The following ZNF571 variants were observed in gnomAD, a reference collection of about 807,000 sequenced individuals.
ZNF571 encodes zinc finger protein 571.
In ZNF571, 4 loss-of-function variants were observed where a neutral mutation model predicts 7.7. The observed-to-expected ratio is 0.52, with a 90% CI of 0.25 to 1.18. The LOEUF is 1.18. Ranked by LOEUF, ZNF571 falls within the 50% of genes most tolerant of loss-of-function variation. The pLI is 0.14. For synonymous variants in ZNF571, 251 were observed against 232.4 expected (o/e 1.08, Z -0.73); for missense variants, 704 against 726.9 (o/e 0.97, Z 0.36).
rs1600452748 is a variant in ZNF571, at chr19:37,564,843, G to A, written c.1585C>T (p.Pro529Ser). ...TTCCCACACTGTTTACATTCATAAGGTTTTTCACCTCTGTGAATTCTCTGA... is the reference window on the plus strand; with the variant it reads ...TTCCCACACTGTTTACATTCATAAGATTTTTCACCTCTGTGAATTCTCTGA... ...EHQRIHRGEK[P>S]YECKQCGKAF... Residue 529 changes from proline to serine, a missense_variant, in exon 4 of 4, where the codon CCT (proline) becomes TCT (serine). By Grantham distance (74) the Pro-to-Ser change is moderately conservative. Coordinates refer to ENST00000451802, the MANE Select transcript of ZNF571 (RefSeq NM_016536.5). The A allele has an allele frequency of 1.2e-6, 2 of 1,613,962 alleles. No homozygotes were observed.
chr19:37,565,208 A>T lies in ZNF571; in HGVS notation c.1220T>A (p.Ile407Asn), dbSNP rs1290385706. The T allele has an allele frequency of 3.7e-6, 6 of 1,612,822 alleles. No individual in the cohort carries two copies. In the Admixed American group the frequency reaches 8.4e-5, roughly 22 times the overall value. ...TCCGGTATGAATTCTTTGATGTTGA[A>T]TAAGATTAGAATTAGAAATAAAGGC... ...GKAFISNSNL[I>N]QHQRIHTGEK... Residue 407 changes from isoleucine to asparagine, a missense_variant, in exon 4 of 4, where the codon ATT becomes AAT. Coordinates refer to ENST00000451802, the MANE Select transcript of ZNF571 (RefSeq NM_016536.5).
At chr19:37,588,473 CAT>C (rs1307774831) in intron 1 of ZNF571, among the ~76,000 whole-genome samples, 2 of 152,144 alleles carry the variant, frequency 1.3e-5, no homozygotes, top group East Asian at 1.9e-4. Flanking sequence ...CCAAATACCA[CAT>C]GTTGTCCTTT....
intron 3 of ZNF571, among the ~76,000 whole-genome samples, chr19:37,573,124 C>CTCTTCCAACTCTTTTTTTTT (rs2043123367): frequency 6.9e-6 from 1 of 145,192 alleles, no homozygotes; most frequent in Non-Finnish European, 1.6e-5. Flanking sequence ...TGCCACCAAC[C>CTCTTCCAACTCTTTTTTTTT]TCTTCCAACT....
chr19:37,565,301 G>T lies in ZNF571; in HGVS notation c.1127C>A (p.Ser376Ter), dbSNP rs763590603. 1.2e-6 allele frequency: 2 copies of T among 1,610,394 alleles called. No homozygotes were observed. Among genetic ancestry groups the T allele is most frequent in the South Asian group, 2.2e-5 (2 of 90,430 alleles). ...KECGKTFFRG[S>*]QLTYHLRVHS... ...AACTCTCAGGTGGTAAGTAAGTTGT[G>T]AGCCACGAAAAAAGGTCTTCCCGCA... The change falls in exon 4 of 4, where the codon TCA becomes TAA. Residue 376 changes from serine (S) to a stop codon, truncating the protein, a stop_gained. Coordinates refer to ENST00000451802, the MANE Select transcript of ZNF571 (RefSeq NM_016536.5). LOFTEE classifies it low-confidence loss of function (END_TRUNC).
intron 3 of ZNF571, among the ~76,000 whole-genome samples, chr19:37,574,887 G>A (rs372533546): frequency 6.6e-6 from 1 of 152,184 alleles, no homozygotes; most frequent in African/African-American, 2.4e-5. Flanking sequence ...CCACAGCCAT[G>A]AGTCGGCCTT....
chr19:37,571,762 T>C (rs1241639385), intron 3 of ZNF571, among the ~76,000 whole-genome samples: 1 of 152,198 alleles, frequency 6.6e-6, no homozygotes, highest in Non-Finnish European at 1.5e-5. Context: ...CAGACATTAC[T>C]TCCTTTAACA....
chr19:37,589,864 CAAA>C (rs60136941), intron 1 of ZNF571, among the ~76,000 whole-genome samples: 4 of 29,590 alleles, frequency 1.4e-4, no homozygotes, highest in South Asian at 2.6e-3. Context: ...GACTCCATCT[CAAA>C]AAAAAAAAAA....
intron 3 of ZNF571, among the ~76,000 whole-genome samples, chr19:37,581,037 G>A (rs2043437734): frequency 6.6e-6 from 1 of 152,026 alleles, no homozygotes; most frequent in East Asian, 1.9e-4. Context: ...AATAATTCTA[G>A]CATTATTTAC....
rs1239198219 is a variant in ZNF571 at position 37,565,221 on chromosome 19, TA to T, written c.1206del (p.Asn403IlefsTer147). The T allele has an allele frequency of 1.2e-6, 2 of 1,613,256 alleles. No individual in the cohort carries two copies. The highest frequency in any genetic ancestry group is 1.7e-6 in the Non-Finnish European group (2 of 1,179,740). ...CTTTGATGTTGAATAAGATTAGAAT[TA>T]GAAATAAAGGCTTTCCCACATTCTT... is the stretch of plus-strand genomic sequence containing the variant. Reference protein sequence around the residue: ...KCKECGKAFISNSNLIQHQRI... With the variant: ...KCKECGKAFIXNSNLIQHQRI... On this transcript the variant is annotated frameshift_variant, in exon 4 of 4. Transcript: ENST00000451802. LOFTEE classifies it low-confidence loss of function (END_TRUNC).
Position 37,565,470 on chromosome 19 carries a change from A to G in ZNF571, c.958T>C (p.Ser320Pro), listed in dbSNP as rs1165059301. Residue 320 changes from serine to proline, a missense_variant, in exon 4 of 4, where the codon TCA (serine) becomes CCA (proline). Physicochemically the swap from Ser to Pro is moderately conservative, Grantham distance 74. Transcript: ENST00000451802. Reference sequence around the variant, plus strand: ...ACTCTCTGATGGTATGTAAGGTGTGAACCAAGAATAAAGGCCTTTCCACAT... The same window carrying G: ...ACTCTCTGATGGTATGTAAGGTGTGGACCAAGAATAAAGGCCTTTCCACAT... ...KECGKAFILG[S>P]HLTYHQRVHT... is the part of the protein sequence containing the mutation. The G allele has an allele frequency of 6.8e-6, 11 of 1,611,178 alleles. No homozygotes were observed. The highest frequency in any genetic ancestry group is 9.3e-6 in the Non-Finnish European group (11 of 1,179,026).
At chr19:37,578,358 G>A (rs754864007) in intron 3 of ZNF571, among the ~76,000 whole-genome samples, 5 of 152,270 alleles carry the variant, frequency 3.3e-5, no homozygotes, top group East Asian at 1.9e-4. Flanking sequence ...GTGAAACGGT[G>A]AGAGAGTGAG....
At chr19:37,591,095 C>T (rs1157989309) in intron 1 of ZNF571, among the ~76,000 whole-genome samples, 5 of 152,150 alleles carry the variant, frequency 3.3e-5, no homozygotes, top group African/African-American at 1.2e-4. Flanking sequence ...ACTTTAAAAA[C>T]AAGTTATTAG....
In ZNF571 at chr19:37,564,999, T is replaced by C. The variant is rs2042797781; in HGVS notation, c.1429A>G (p.Lys477Glu). 5 of 1,613,940 alleles carry C rather than the reference T, an allele frequency of 3.1e-6. No homozygotes were observed. The East Asian group carries it at 8.9e-5, about 29-fold the overall frequency. The change falls in exon 4 of 4, where the codon AAG becomes GAG. Residue 477 changes from lysine to glutamate, a missense_variant. Transcript: ENST00000451802. ...KIHGEKHYECKECGKTFVRAT... is the reference protein window; with the variant it reads ...KIHGEKHYECEECGKTFVRAT... ...CGTACAAAGGTCTTCCCACATTCCTTACATTCATAATGTTTCTCACCATGA... is the reference window on the plus strand; with the variant it reads ...CGTACAAAGGTCTTCCCACATTCCTCACATTCATAATGTTTCTCACCATGA...
In ZNF571 at chr19:37,565,626, G is replaced by A; in HGVS notation, c.802C>T (p.Leu268Phe). 4 of 1,613,164 alleles carry A rather than the reference G, an allele frequency of 2.5e-6. No homozygotes were observed. The South Asian group carries it at 4.4e-5, about 18-fold the overall frequency. The change falls in exon 4 of 4, where the codon CTT becomes TTT. Residue 268 changes from leucine to phenylalanine, a missense_variant. Physicochemically the swap from Leu to Phe is conservative, Grantham distance 22 (BLOSUM62 0). Transcript: ENST00000451802. ...KAFSYCSQYT[L>F]HQRIHSGEKP... ...TCACCACTATGAATTCTCTGATGAA[G>A]AGTATATTGTGAACAATAACTAAAG... is the stretch of plus-strand genomic sequence containing the variant.
rs145593505 is a variant in ZNF571, at chr19:37,569,016, G to A, written c.137-2725C>T. Among the ~76,000 whole-genome samples, 4 of 151,496 alleles carry A rather than the reference G, an allele frequency of 2.6e-5. No individual in the cohort carries two copies. Among genetic ancestry groups the A allele is most frequent in the East Asian group, 1.9e-4 (1 of 5,178 alleles). On this transcript the variant is annotated intron_variant, in intron 3 of 3. Transcript: ENST00000451802. This position sits in a 1 kb window ranked among gnomAD's most constrained non-coding sequence, Gnocchi z 4.4. ...CTGTCATCCAGGCTGGAGTGCAGTC[G>A]TGCCATCTCAGCTCACTGCAACCTC...
intron 3 of ZNF571, among the ~76,000 whole-genome samples, chr19:37,578,671 C>G (rs1240194059): frequency 2.6e-5 from 4 of 151,668 alleles, no homozygotes; most frequent in Non-Finnish European, 4.4e-5. Flanking sequence ...CCCAGCACAG[C>G]GACCCTGTCC....
chr19:37,589,353 C>G (rs1385327785), intron 1 of ZNF571, among the ~76,000 whole-genome samples: 1 of 151,240 alleles, frequency 6.6e-6, no homozygotes, highest in Non-Finnish European at 1.5e-5. Context: ...AGACAAATGA[C>G]AAAATGGGAG....
At chr19:37,586,536 G>T in intron 2 of ZNF571, 132 bp downstream of exon 2, 1 of 975,380 alleles carries the variant, frequency 1.0e-6, no homozygotes, top group Non-Finnish European at 1.6e-6. Context: ...ACTATTACTC[G>T]CTAGAATGGG....
intron 1 of ZNF571, among the ~76,000 whole-genome samples, chr19:37,592,452 G>C (rs1484781676): frequency 1.3e-5 from 2 of 152,078 alleles, no homozygotes; most frequent in African/African-American, 4.8e-5. Flanking sequence ...TGGCCCTTTG[G>C]AGGACCACAG....
Sources: allele counts gnomAD v4.1 joint callset (sites outside exome capture counted in the v4.1 genomes callset), GRCh38; gene constraint gnomAD v4.1.1; non-coding constraint Gnocchi (gnomAD v3.1); transcripts MANE v1.5; gene names NCBI Gene and HGNC (gene_info 2026-07-23, HGNC 2026-07-21).